Variants in RBFOX1 observed in about 807,000 individuals in gnomAD.
RBFOX1 encodes RNA binding protein fox-1 homolog 1.
RBFOX1 carries 8 observed loss-of-function variants against 57.7 expected under a neutral mutation model. That is an observed-to-expected ratio of 0.14 (90% confidence interval 0.08 to 0.25). RBFOX1 has a LOEUF of 0.25. Ranked by LOEUF, RBFOX1 falls within the 10% of genes least tolerant of loss-of-function variation. The probability of loss-of-function intolerance (pLI) is 1.00; values close to 1 mark genes in which losing one functional copy is unlikely to be tolerated. For missense variants in RBFOX1, 611 were observed against 548.5 expected, an observed-to-expected ratio of 1.11 and a Z score of -1.14; for synonymous variants, 326 against 222.4, an observed-to-expected ratio of 1.47 and a Z score of -4.15.
chr16:6,370,668 C>G (rs1018702467), intron 2 of RBFOX1, among the ~76,000 whole-genome samples: 4 of 151,974 alleles, frequency 2.6e-5, no homozygotes, highest in Non-Finnish European at 4.4e-5. Flanking sequence ...ATAGTGGTTC[C>G]TAGGGACCAG....
chr16:5,402,312 C>T (rs2066739155), intron 1 of RBFOX1, among the ~76,000 whole-genome samples: 1 of 152,180 alleles, frequency 6.6e-6, no homozygotes, highest in South Asian at 2.1e-4. Flanking sequence ...TCCCCATTGC[C>T]TAGGTCCACC....
intron 4 of RBFOX1, among the ~76,000 whole-genome samples, chr16:7,477,337 A>G (rs977176432): frequency 4.6e-5 from 7 of 152,310 alleles, no homozygotes; most frequent in Middle Eastern, 3.4e-3. Context: ...TTGTATCTCC[A>G]AACAGCCCTA....
chr16:6,836,884 G>A (rs988687656), intron 3 of RBFOX1, among the ~76,000 whole-genome samples: 3 of 152,140 alleles, frequency 2.0e-5, no homozygotes, highest in Non-Finnish European at 4.4e-5. Context: ...GGGCCTGTAT[G>A]GTTAATCATT....
chr16:5,310,691 C>G (rs1184146841), intron 1 of RBFOX1, among the ~76,000 whole-genome samples: 1 of 152,196 alleles, frequency 6.6e-6, no homozygotes, highest in Non-Finnish European at 1.5e-5. Flanking sequence ...ACACTGTAAA[C>G]AGTAGGGTCT....
chr16:7,708,444 G>C (rs1354285489), intron 14 of RBFOX1, among the ~76,000 whole-genome samples: 1 of 152,084 alleles, frequency 6.6e-6, no homozygotes, highest in Non-Finnish European at 1.5e-5. Context: ...CCTGGCCATG[G>C]ATTAATGTGA....
At chr16:5,620,333 G>A (rs567112800) in intron 3 of RBFOX1, among the ~76,000 whole-genome samples, 1 of 152,270 alleles carries the variant, frequency 6.6e-6, no homozygotes, top group East Asian at 1.9e-4. Context: ...ACATGGTGTG[G>A]AGAGACATCA....
At chr16:7,704,666 G>A (rs893372706) in intron 14 of RBFOX1, among the ~76,000 whole-genome samples, 1 of 152,134 alleles carries the variant, frequency 6.6e-6, no homozygotes, top group Non-Finnish European at 1.5e-5. Flanking sequence ...AGGGTGAAAG[G>A]TAAATGATCA....
intron 2 of RBFOX1, among the ~76,000 whole-genome samples, chr16:6,587,969 C>G (rs529410108): frequency 3.3e-5 from 5 of 152,272 alleles, no homozygotes; most frequent in South Asian, 2.1e-4. Flanking sequence ...GTGGCTCACG[C>G]CTGTAATCCC....
intron 3 of RBFOX1, among the ~76,000 whole-genome samples, chr16:7,039,967 C>G (rs889700766): frequency 1.3e-5 from 2 of 151,616 alleles, no homozygotes; most frequent in African/African-American, 2.4e-5. Context: ...AGATAGCCAC[C>G]CTACATTTAC....
intron 4 of RBFOX1, among the ~76,000 whole-genome samples, chr16:6,005,996 C>T (rs538007801): frequency 6.6e-6 from 1 of 152,110 alleles, no homozygotes; most frequent in East Asian, 1.9e-4. Context: ...AGGCTTGGGC[C>T]AATTCATGGA....
chr16:5,468,953 C>A (rs1035116261), intron 2 of RBFOX1, among the ~76,000 whole-genome samples: 2 of 152,228 alleles, frequency 1.3e-5, no homozygotes, highest in African/African-American at 4.8e-5. Flanking sequence ...GAACTGAGAA[C>A]AGAACATATT....
At chr16:6,449,549 C>T (rs1468551724) in intron 2 of RBFOX1, among the ~76,000 whole-genome samples, 2 of 152,138 alleles carry the variant, frequency 1.3e-5, no homozygotes, top group Non-Finnish European at 2.9e-5. Context: ...TTGGCTGAAT[C>T]GGAGGATTTA....
intron 4 of RBFOX1, among the ~76,000 whole-genome samples, chr16:7,481,940 G>A (rs1304641594): frequency 6.6e-6 from 1 of 152,202 alleles, no homozygotes. Context: ...TACTGAAAGT[G>A]AAAAACAGTA....
chr16:6,076,012 C>T (rs1979159), intron 1 of RBFOX1, among the ~76,000 whole-genome samples: 59,119 of 152,024 alleles, frequency 0.39, 12,692 homozygotes, highest in Non-Finnish European at 0.51. Context: ...TAAAACACAG[C>T]TCTTGGCCGG....
chr16:6,832,698 A>C (rs1419384501), intron 3 of RBFOX1, among the ~76,000 whole-genome samples: 1 of 152,090 alleles, frequency 6.6e-6, no homozygotes, highest in Admixed American at 6.6e-5. Flanking sequence ...AAGTTTCTCC[A>C]CTTGCCCTTT....
chr16:5,674,831 G>A (rs1044902062), intron 3 of RBFOX1, among the ~76,000 whole-genome samples: 1 of 152,108 alleles, frequency 6.6e-6, no homozygotes, highest in South Asian at 2.1e-4. Context: ...TCTGGCGCAC[G>A]TAGTACGTTA....
intron 2 of RBFOX1, among the ~76,000 whole-genome samples, chr16:6,339,414 G>A (rs1250696553): frequency 6.6e-6 from 1 of 152,214 alleles, no homozygotes; most frequent in African/African-American, 2.4e-5. Flanking sequence ...TGCTGAACGA[G>A]GAGCAGCAAA....
At chr16:7,058,080 A>C (rs1391222289) in intron 4 of RBFOX1, among the ~76,000 whole-genome samples, 1 of 151,922 alleles carries the variant, frequency 6.6e-6, no homozygotes, top group Non-Finnish European at 1.5e-5. Context: ...ATATCAGCTG[A>C]ACAAAGGATC....
chr16:7,020,464 C>T (rs369311322), intron 3 of RBFOX1, among the ~76,000 whole-genome samples: 5 of 152,148 alleles, frequency 3.3e-5, no homozygotes, highest in Admixed American at 2.6e-4. Flanking sequence ...TGTCATCCAC[C>T]TGCCTCAACC....
Sources: allele counts gnomAD v4.1 joint callset (sites outside exome capture counted in the v4.1 genomes callset), GRCh38; gene constraint gnomAD v4.1.1; transcripts MANE v1.5; gene names NCBI Gene and HGNC (gene_info 2026-07-23, HGNC 2026-07-21).